Variants in RICTOR observed in about 807,000 individuals in gnomAD.
The protein encoded by RICTOR is RPTOR independent companion of MTOR complex 2, also known as rapamycin-insensitive companion of mTOR.
A neutral mutation model predicts 214.9 loss-of-function variants in RICTOR; 49 were observed. That is an observed-to-expected ratio of 0.23 (90% CI 0.18 to 0.29). RICTOR has a LOEUF of 0.29. Ranked by LOEUF, RICTOR falls within the 10% of genes least tolerant of loss-of-function variation. RICTOR has a pLI of 1.00. For synonymous variants in RICTOR, 717 were observed against 711.3 expected, an observed-to-expected ratio of 1.01 and a Z score of -0.13; for missense variants, 1,625 against 2,047.0, an observed-to-expected ratio of 0.79 and a Z score of 3.98.
rs1239382075 is a variant in RICTOR, at chr5:38,947,289, G to A, written c.4289C>T (p.Pro1430Leu). 1 of 1,611,338 alleles carries A rather than the reference G, an allele frequency of 6.2e-7. No homozygotes were observed. Among genetic ancestry groups the A allele is most frequent in the Non-Finnish European group, 8.5e-7 (1 of 1,178,136 alleles). ...CTGGAATATATCATTTATATCCACCGGGAGAGCAAGACCAATGTAATCATC... is the reference window on the plus strand; with the variant it reads ...CTGGAATATATCATTTATATCCACCAGGAGAGCAAGACCAATGTAATCATC... ...GSDDYIGLALPVDINDIFQVK... is the reference protein window; with the variant it reads ...GSDDYIGLALLVDINDIFQVK... The change falls in exon 32 of 38, where the codon CCG becomes CTG. Residue 1430 changes from proline (P) to leucine (L), a missense_variant. By Grantham distance (98) the Pro-to-Leu change is moderately conservative. Transcript: ENST00000357387.
In RICTOR at chr5:39,034,756, C is replaced by T. The variant is rs553829832; in HGVS notation, c.98-13620G>A. On this transcript the variant is annotated intron_variant, in intron 2 of 37. Transcript: ENST00000357387. Reference sequence around the variant, plus strand: ...CTGAGATCAAACTGCAAGGCAGCAGCGAGGCTGGGGGAGGGGCGCCCGCCA... The same window carrying T: ...CTGAGATCAAACTGCAAGGCAGCAGTGAGGCTGGGGGAGGGGCGCCCGCCA... 3.9e-3 allele frequency among the ~76,000 whole-genome samples: 589 copies of T among 152,334 alleles called. 5 individuals carry two copies. The highest frequency in any genetic ancestry group is 0.013 in the African/African-American group (551 of 41,570).
intron 2 of RICTOR, among the ~76,000 whole-genome samples, chr5:39,036,303 G>A (rs1756687745): frequency 6.6e-6 from 1 of 152,154 alleles, no homozygotes; most frequent in Non-Finnish European, 1.5e-5. Flanking sequence ...CCCTAAAAGA[G>A]CTCCTGAAGG....
chr5:39,024,183 G>A (rs771724887), intron 2 of RICTOR, among the ~76,000 whole-genome samples: 8 of 152,238 alleles, frequency 5.3e-5, no homozygotes, highest in African/African-American at 1.4e-4. Flanking sequence ...GTGGAGCTCC[G>A]GCAGTAACGC....
intron 5 of RICTOR, among the ~76,000 whole-genome samples, chr5:39,000,952 C>A (rs1288064403): frequency 6.6e-6 from 1 of 151,964 alleles, no homozygotes; most frequent in East Asian, 1.9e-4. Context: ...ACACACACTA[C>A]TAAATACTGT....
At chr5:38,973,814 TA>T (rs1431984164) in intron 10 of RICTOR, among the ~76,000 whole-genome samples, 2 of 152,218 alleles carry the variant, frequency 1.3e-5, no homozygotes, top group African/African-American at 4.8e-5. Context: ...TGCACCTCAT[TA>T]AAAAATGTGT....
chr5:39,012,052 C>A (rs1324364543), intron 3 of RICTOR, among the ~76,000 whole-genome samples: 2 of 152,112 alleles, frequency 1.3e-5, no homozygotes, highest in Non-Finnish European at 2.9e-5. Context: ...CCAAATCTCA[C>A]CTTGAATTGT....
At position 38,952,266 on chromosome 5, in the gene RICTOR, T is replaced by C. The variant is rs1468800264; in HGVS notation, c.3057A>G (p.Pro1019=). The change falls in exon 30 of 38, where the codon CCA becomes CCG. Residue 1019 remains proline, a synonymous_variant. Coordinates refer to ENST00000357387, the MANE Select transcript of RICTOR (RefSeq NM_152756.5). ...EQLCNELSSI[P]STLSLNSEST... ...ACTCCGAGTTCAAACTTAGAGTGCT[T>C]GGGATAGATGAAAGTTCATTACAGA... 1 of 1,613,046 alleles carries C rather than the reference T, an allele frequency of 6.2e-7. No homozygotes were observed. The highest frequency in any genetic ancestry group is 1.1e-5 in the South Asian group (1 of 91,064).
chr5:39,001,072 AG>A (rs1753579564), intron 5 of RICTOR, among the ~76,000 whole-genome samples: 1 of 152,092 alleles, frequency 6.6e-6, no homozygotes, highest in African/African-American at 2.4e-5. Context: ...CTAAAATCCC[AG>A]CAAGTTATGT....
intron 2 of RICTOR, among the ~76,000 whole-genome samples, chr5:39,037,178 C>T (rs1296097526): frequency 6.6e-6 from 1 of 152,190 alleles, no homozygotes; most frequent in Non-Finnish European, 1.5e-5. Flanking sequence ...CAAAACCACT[C>T]AACTACATGG....
intron 2 of RICTOR, among the ~76,000 whole-genome samples, chr5:39,058,765 T>C (rs1455858977): frequency 1.3e-5 from 2 of 152,170 alleles, no homozygotes; most frequent in Non-Finnish European, 2.9e-5. Flanking sequence ...AATACTAAAC[T>C]GATTTTGGTA....
intron 2 of RICTOR, among the ~76,000 whole-genome samples, chr5:39,025,900 G>T (rs940748720): frequency 6.6e-6 from 1 of 152,004 alleles, no homozygotes; most frequent in African/African-American, 2.4e-5. Context: ...CTTGGCTCTC[G>T]AGCTGCAGTC....
rs375557282 is a variant in RICTOR, at chr5:38,954,766, G to A, written c.2697+8C>T. 367 of 1,489,560 alleles carry A rather than the reference G, an allele frequency of 2.5e-4. No homozygotes were observed. Among genetic ancestry groups the A allele is most frequent in the Non-Finnish European group, 3.3e-4 (350 of 1,069,904 alleles). The allele number at this position is 1,489,560 out of a possible 1,614,324, so 92.3% of individuals were successfully genotyped here. ...TAGCTACTTAAAATAAGTGAATTATGTTTTTACCTGTACTTCCAACAAATG... is the reference window on the plus strand; with the variant it reads ...TAGCTACTTAAAATAAGTGAATTATATTTTTACCTGTACTTCCAACAAATG... On this transcript the variant is annotated splice_region_variant and intron_variant, in intron 27 of 37. Transcript: ENST00000357387.
intron 2 of RICTOR, among the ~76,000 whole-genome samples, chr5:39,036,388 C>A (rs1309612122): frequency 6.6e-6 from 1 of 152,140 alleles, no homozygotes; most frequent in Non-Finnish European, 1.5e-5. Flanking sequence ...ACCATCAGGG[C>A]TAGGAAGAAA....
Position 38,953,323 on chromosome 5 carries a change from A to G in RICTOR, c.2790+138T>C. The G allele has an allele frequency of 5.4e-6, 3 of 559,088 alleles. No homozygotes were observed. In the Admixed American group the frequency reaches 1.0e-4, roughly 19 times the overall value. 34.6% of individuals were successfully genotyped at this position (559,088 alleles called of 1,614,324 possible). On this transcript the variant is annotated intron_variant, in intron 28 of 37. Coordinates refer to ENST00000357387, the MANE Select transcript of RICTOR (RefSeq NM_152756.5). ...TTCAACATAGAGATAATACACTTAT[A>G]TTGGCAGGAACAATCCAGTCTTAAA...
intron 9 of RICTOR, 149 bp from the exon 10 acceptor site, chr5:38,975,753 T>C: frequency 1.6e-6 from 1 of 625,632 alleles, no homozygotes; most frequent in South Asian, 2.0e-5. Flanking sequence ...AGATCTACAC[T>C]AAAGCAAATT....
chr5:38,983,745 C>T (rs1751918565), intron 7 of RICTOR, among the ~76,000 whole-genome samples: 2 of 152,024 alleles, frequency 1.3e-5, no homozygotes, highest in African/African-American at 2.4e-5. Flanking sequence ...GGGTGGATCA[C>T]GAGGTCAAGA....
intron 3 of RICTOR, among the ~76,000 whole-genome samples, chr5:39,007,228 A>G (rs772875593): frequency 4.6e-5 from 7 of 152,210 alleles, no homozygotes; most frequent in African/African-American, 1.2e-4. Context: ...GTACTTTTTC[A>G]TAACTCTGGA....
intron 2 of RICTOR, among the ~76,000 whole-genome samples, chr5:39,039,173 T>C (rs375034372): frequency 3.3e-5 from 5 of 151,992 alleles, no homozygotes; most frequent in Non-Finnish European, 7.4e-5. Flanking sequence ...ATATCTACAA[T>C]TATCTGATCT....
At chr5:38,972,098 A>ATTATATAACT (rs1205670350) in intron 10 of RICTOR, 139 bp from the exon 11 acceptor site, 8 of 531,524 alleles carry the variant, frequency 1.5e-5, no homozygotes, top group Non-Finnish European at 2.7e-5. Context: ...CATAAGAACT[A>ATTATATAACT]TTATATAACT....
Sources: allele counts gnomAD v4.1 joint callset (sites outside exome capture counted in the v4.1 genomes callset), GRCh38; gene constraint gnomAD v4.1.1; transcripts MANE v1.5; gene names NCBI Gene and HGNC (gene_info 2026-07-23, HGNC 2026-07-21).